SPATA31C1: variants seen among roughly 807,000 people sequenced by gnomAD.
The protein encoded by SPATA31C1 is SPATA31 subfamily C member 1.
At position 87,918,930 on chromosome 9, in the gene SPATA31C1, G is replaced by A. The variant is rs559916681; in HGVS notation, n.523-361G>A. The A allele has an allele frequency of 8.5e-4, 306 of 358,140 alleles. 1 individual carries two copies. The highest frequency in any genetic ancestry group is 1.3e-3 in the Non-Finnish European group (229 of 182,008). 22.2% of individuals were successfully genotyped at this position (358,140 alleles called of 1,614,324 possible). A position where few individuals can be genotyped will look rare whatever the true frequency, so the allele number is the denominator to read the frequency against. On this transcript the variant is annotated intron_variant and non_coding_transcript_variant, in intron 2 of 4. Transcript: ENST00000420021. Reference sequence around the variant, plus strand: ...GGGGATTACAGGCGCCCGCCACCACGCCTGGCTAATTTTCGTATTTTTAGT... The same window carrying A: ...GGGGATTACAGGCGCCCGCCACCACACCTGGCTAATTTTCGTATTTTTAGT...
exon 5 of SPATA31C1, chr9:87,920,461 C>T (rs1828821108): frequency 6.2e-7 from 1 of 1,613,870 alleles, no homozygotes; most frequent in South Asian, 1.1e-5. Context: ...CCACCAGGCC[C>T]AATGACCACC....
At chr9:87,921,823 A>G (rs1200571893) in exon 5 of SPATA31C1, 10 of 1,611,956 alleles carry the variant, frequency 6.2e-6, no homozygotes, top group Non-Finnish European at 7.6e-6. Flanking sequence ...AACACAGCCC[A>G]GGTGCTTTCC....
chr9:87,920,484 C>G, exon 5 of SPATA31C1: 1 of 1,614,006 alleles, frequency 6.2e-7, no homozygotes. Context: ...AGTCTCCTCC[C>G]TAAGTGCCTC....
intron 1 of SPATA31C1, among the ~76,000 whole-genome samples, chr9:87,916,388 T>C (rs1290636777): frequency 1.3e-5 from 2 of 148,262 alleles, no homozygotes; most frequent in Admixed American, 6.7e-5. Context: ...AATTTATTAA[T>C]TGGATGTTAT....
chr9:87,922,244 C>T lies in SPATA31C1; in HGVS notation n.2634C>T, dbSNP rs767963606. The T allele has an allele frequency of 2.9e-5, 46 of 1,613,076 alleles. No individual in the cohort carries two copies. The African/African-American group carries it at 5.7e-4, about 20-fold the overall frequency. ...AGGGCAGGTGGCCATCTAAGCCCCTCACATACAGCCTCAAAGGCAGCACCC... is the reference window on the plus strand; with the variant it reads ...AGGGCAGGTGGCCATCTAAGCCCCTTACATACAGCCTCAAAGGCAGCACCC... On this transcript the variant is annotated non_coding_transcript_exon_variant, in exon 5 of 5. Coordinates refer to ENST00000420021, the Ensembl canonical transcript of SPATA31C1.
chr9:87,923,037 A>T, exon 5 of SPATA31C1: 3 of 1,597,182 alleles, frequency 1.9e-6, no homozygotes, highest in Non-Finnish European at 2.6e-6. Context: ...GAGCCAAAAA[A>T]CAGTAAAAAA....
exon 5 of SPATA31C1, chr9:87,922,186 A>G: frequency 6.2e-7 from 1 of 1,613,240 alleles, no homozygotes; most frequent in Non-Finnish European, 8.5e-7. Flanking sequence ...TCAAATGATC[A>G]TGGGTCCTTG....
chr9:87,922,141 A>G (rs775345600), exon 5 of SPATA31C1: 6 of 1,613,530 alleles, frequency 3.7e-6, no homozygotes, highest in Non-Finnish European at 5.1e-6. Flanking sequence ...CCTGCATGTA[A>G]GCAGTTCCAG....
chr9:87,921,875 T>G, exon 5 of SPATA31C1: 2 of 1,612,018 alleles, frequency 1.2e-6, no homozygotes, highest in Non-Finnish European at 1.7e-6. Flanking sequence ...AAGCCCATAT[T>G]GTGAGGTTTT....
At chr9:87,920,954 C>G in exon 5 of SPATA31C1, 4 of 1,613,058 alleles carry the variant, frequency 2.5e-6, no homozygotes, top group Non-Finnish European at 3.4e-6. Context: ...CACCCCAATT[C>G]CGGCCCACAC....
At chr9:87,922,941 A>C (rs512437) in exon 5 of SPATA31C1, 21 of 1,592,446 alleles carry the variant, frequency 1.3e-5, no homozygotes, top group Non-Finnish European at 1.8e-5. Flanking sequence ...GCCTCCTTCA[A>C]TAAGCCACTT....
chr9:87,917,433 TAAAA>T (rs1220349022), intron 1 of SPATA31C1: 2 of 110,654 alleles, frequency 1.8e-5, no homozygotes, highest in African/African-American at 3.0e-5. Context: ...ATAAAAAAAA[TAAAA>T]AAAAAGGAAA....
At chr9:87,915,531 C>G (rs979557309) in intron 1 of SPATA31C1, among the ~76,000 whole-genome samples, 2 of 145,426 alleles carry the variant, frequency 1.4e-5, no homozygotes, top group South Asian at 2.3e-4. Context: ...AAACTCTTGA[C>G]TTTAGGTGAT....
At chr9:87,915,526 C>T (rs1278003863) in intron 1 of SPATA31C1, among the ~76,000 whole-genome samples, 3 of 145,292 alleles carry the variant, frequency 2.1e-5, no homozygotes, top group Non-Finnish European at 4.6e-5. Flanking sequence ...GTCTCAAACT[C>T]TTGACTTTAG....
chr9:87,921,713 G>C (rs750976408), exon 5 of SPATA31C1: 4 of 1,611,950 alleles, frequency 2.5e-6, no homozygotes, highest in Non-Finnish European at 3.4e-6. Flanking sequence ...CCGTGAGTGT[G>C]CGTCGATCCT....
At chr9:87,920,815 G>T (rs1828837531) in exon 5 of SPATA31C1, 1 of 1,613,886 alleles carries the variant, frequency 6.2e-7, no homozygotes, top group South Asian at 1.1e-5. Context: ...AAAACCTGGT[G>T]CATCTTCAAC....
chr9:87,922,005 G>A (rs755615127), exon 5 of SPATA31C1: 25 of 1,613,730 alleles, frequency 1.5e-5, no homozygotes, highest in Non-Finnish European at 2.1e-5. Flanking sequence ...AGACACCTGC[G>A]AATCTGGGGC....
At chr9:87,923,401 A>G (rs778556191) in exon 5 of SPATA31C1, 425 of 1,602,096 alleles carry the variant, frequency 2.7e-4, no homozygotes, top group Non-Finnish European at 3.0e-4. Flanking sequence ...CTCCCCAAGA[A>G]AGCTGTATCC....
chr9:87,921,614 A>T (rs1189343196), exon 5 of SPATA31C1: 1 of 1,611,928 alleles, frequency 6.2e-7, no homozygotes, highest in Non-Finnish European at 8.5e-7. Context: ...GAAGTGATTT[A>T]TTAAGACGCA....
Sources: allele counts gnomAD v4.1 joint callset (sites outside exome capture counted in the v4.1 genomes callset), GRCh38; gene constraint gnomAD v4.1.1; transcripts MANE v1.5; gene names NCBI Gene and HGNC (gene_info 2026-07-23, HGNC 2026-07-21).